CHN1: variants seen among roughly 807,000 people sequenced by gnomAD.
CHN1 encodes chimerin 1.
In CHN1, 37 loss-of-function variants were observed where a neutral mutation model predicts 59.5. The ratio of observed to expected loss-of-function variants is 0.62; its 90% confidence interval spans 0.48 to 0.82. The LOEUF (loss-of-function observed/expected upper bound fraction) is 0.82, where lower values mean the gene tolerates loss of function less well. Among genes scored for constraint, CHN1 ranks in the 40% least tolerant of loss-of-function variants. The pLI, the probability that CHN1 is intolerant of heterozygous loss-of-function variation, is 0.00. For synonymous variants in CHN1, 206 were observed against 200.4 expected (o/e 1.03, Z -0.24); for missense variants, 469 against 571.0 (o/e 0.82, Z 1.82).
chr2:174,919,851 A>C (rs539556460), intron 3 of CHN1, among the ~76,000 whole-genome samples: 1 of 152,246 alleles, frequency 6.6e-6, no homozygotes, highest in African/African-American at 2.4e-5. Flanking sequence ...ATAGTCACTA[A>C]GTTGTACAAC....
At chr2:174,942,789 A>G in intron 3 of CHN1, among the ~76,000 whole-genome samples, 1 of 152,168 alleles carries the variant, frequency 6.6e-6, no homozygotes, top group East Asian at 1.9e-4. Context: ...CTGGCTCACA[A>G]CTGTAATCCC....
chr2:174,891,669 T>A (rs1255412646), intron 5 of CHN1, among the ~76,000 whole-genome samples: 1 of 150,554 alleles, frequency 6.6e-6, no homozygotes, highest in Non-Finnish European at 1.5e-5. Context: ...AATACCTACA[T>A]GAAAAAAGAA....
At chr2:174,848,593 T>C (rs1686621810) in intron 6 of CHN1, among the ~76,000 whole-genome samples, 3 of 152,312 alleles carry the variant, frequency 2.0e-5, no homozygotes, top group South Asian at 2.1e-4. Context: ...AATACTTTAA[T>C]CTCAGATTTC....
At chr2:175,002,160 T>C (rs556946072) in intron 1 of CHN1, among the ~76,000 whole-genome samples, 3 of 152,334 alleles carry the variant, frequency 2.0e-5, no homozygotes, top group African/African-American at 7.2e-5. Flanking sequence ...TACATTTGGA[T>C]AATTTTTGAA....
At chr2:174,819,240 A>C (rs1685393902) in intron 8 of CHN1, among the ~76,000 whole-genome samples, 1 of 152,340 alleles carries the variant, frequency 6.6e-6, no homozygotes, top group Admixed American at 6.5e-5. Flanking sequence ...TCAAAACAGT[A>C]GTTAAAATAA....
rs551124639 is a variant in CHN1 at position 174,918,790 on chromosome 2, G to C, written c.115-225C>G. Among the ~76,000 whole-genome samples the C allele has an allele frequency of 3.9e-5, 6 of 152,196 alleles. No homozygotes were observed. The East Asian group carries it at 1.2e-3, about 29-fold the overall frequency. ...TTATAAAATGCTATGTATGTAGTTG[G>C]ACTAAACTATCTTTAGTTTCTAGAA... is the stretch of plus-strand genomic sequence containing the variant. On this transcript the variant is annotated intron_variant, in intron 3 of 12. Transcript: ENST00000409900.
chr2:174,941,378 GA>G (rs923317146), intron 3 of CHN1, among the ~76,000 whole-genome samples: 5 of 151,936 alleles, frequency 3.3e-5, no homozygotes, highest in Non-Finnish European at 2.9e-5. Context: ...GACTGAGATA[GA>G]AAAAAAATTT....
intron 1 of CHN1, among the ~76,000 whole-genome samples, chr2:175,002,892 G>C (rs1467862690): frequency 6.6e-6 from 1 of 152,180 alleles, no homozygotes; most frequent in Non-Finnish European, 1.5e-5. Context: ...GTTAAAGGTA[G>C]TAAAATCTAA....
At chr2:174,897,282 A>T (rs904006165) in intron 5 of CHN1, among the ~76,000 whole-genome samples, 4 of 152,198 alleles carry the variant, frequency 2.6e-5, no homozygotes, top group African/African-American at 9.6e-5. Flanking sequence ...ATTATAATGT[A>T]AGAGAAATGC....
At chr2:174,999,739 G>A (rs978096852) in intron 1 of CHN1, among the ~76,000 whole-genome samples, 1 of 152,142 alleles carries the variant, frequency 6.6e-6, no homozygotes, top group South Asian at 2.1e-4. Context: ...CAGATACATA[G>A]TATATCTCTG....
intron 5 of CHN1, among the ~76,000 whole-genome samples, chr2:174,900,834 CT>C (rs1293022971): frequency 6.6e-6 from 1 of 151,280 alleles, no homozygotes; most frequent in Non-Finnish European, 1.5e-5. Flanking sequence ...TATCAAATAT[CT>C]TGTGGAGGTG....
At chr2:174,945,961 ATACT>A (rs1173782105) in intron 2 of CHN1, among the ~76,000 whole-genome samples, 2 of 151,758 alleles carry the variant, frequency 1.3e-5, no homozygotes, top group Admixed American at 6.6e-5. Context: ...GTGTATATAT[ATACT>A]ATCTCTCTCT....
chr2:174,972,104 G>A (rs563285735), intron 1 of CHN1, among the ~76,000 whole-genome samples: 25 of 152,234 alleles, frequency 1.6e-4, no homozygotes, highest in African/African-American at 5.8e-4. Context: ...ACAACAAGCT[G>A]GTATCCCTTA....
chr2:174,804,983 A>G (rs963509723), intron 11 of CHN1, among the ~76,000 whole-genome samples: 1 of 152,262 alleles, frequency 6.6e-6, no homozygotes, highest in Non-Finnish European at 1.5e-5. Flanking sequence ...TCCACTTACA[A>G]AAGTATTACC....
At chr2:174,971,810 G>C (rs1389611791) in intron 1 of CHN1, among the ~76,000 whole-genome samples, 1 of 152,162 alleles carries the variant, frequency 6.6e-6, no homozygotes, top group African/African-American at 2.4e-5. Flanking sequence ...GGAATGCTAA[G>C]TTAGAAACAA....
rs375535233 is a variant in CHN1 at position 174,983,959 on chromosome 2, A to G, written c.19+20935T>C. On this transcript the variant is annotated intron_variant, in intron 1 of 12. Coordinates refer to ENST00000409900, the MANE Select transcript of CHN1 (RefSeq NM_001822.7). ...ATGATGGGAAAGACTCAGAAAGAAC[A>G]AAAGTCAGTTTGAGCTATTTAATTT... Among the ~76,000 whole-genome samples, 303 of 152,338 alleles carry G rather than the reference A, an allele frequency of 2.0e-3. 1 individual carries two copies. The highest frequency in any genetic ancestry group is 7.0e-3 in the African/African-American group (293 of 41,596).
chr2:174,873,236 A>C (rs1255885042), intron 6 of CHN1, among the ~76,000 whole-genome samples: 3 of 152,162 alleles, frequency 2.0e-5, no homozygotes, highest in African/African-American at 7.2e-5. Context: ...CACATTGGAG[A>C]CTTAGGCATG....
chr2:174,977,931 A>G (rs1325297399), intron 1 of CHN1, among the ~76,000 whole-genome samples: 2 of 152,194 alleles, frequency 1.3e-5, no homozygotes, highest in African/African-American at 4.8e-5. Context: ...TAAAAGATAT[A>G]ATGACTTTCA....
At chr2:174,859,899 T>C (rs901488633) in intron 6 of CHN1, among the ~76,000 whole-genome samples, 4 of 152,082 alleles carry the variant, frequency 2.6e-5, no homozygotes, top group Non-Finnish European at 5.9e-5. Context: ...AGCCTGACAA[T>C]TGGTTTACAA....
Sources: gnomAD v4.1 joint callset for allele counts (sites outside exome capture counted in the v4.1 genomes callset) on GRCh38, gnomAD v4.1.1 for gene constraint, MANE v1.5 for transcripts, NCBI Gene and HGNC (gene_info 2026-07-23, HGNC 2026-07-21) for gene names.